ACVR1B: variants seen among roughly 807,000 people sequenced by gnomAD.
ACVR1B encodes the protein activin receptor type-1B.
A neutral mutation model predicts 55.6 loss-of-function variants in ACVR1B; 15 were observed. That is an observed-to-expected ratio of 0.27 (90% CI 0.18 to 0.42). The LOEUF is 0.42. Ranked by LOEUF, ACVR1B falls within the 10% of genes least tolerant of loss-of-function variation. ACVR1B has a pLI of 1.00. For synonymous variants in ACVR1B, 247 were observed against 254.6 expected, an observed-to-expected ratio of 0.97 and a Z score of 0.28; for missense variants, 359 against 670.1, an observed-to-expected ratio of 0.54 and a Z score of 5.13.
rs1041546167 is a variant in ACVR1B at position 51,996,961 on chromosome 12, A to G, written c.*2851A>G. On this transcript the variant is annotated 3_prime_UTR_variant, in exon 9 of 9. Transcript: ENST00000257963. ...AGGACTGTAAAATAGCCACTTAGAC[A>G]CTTTACCTCTTCAGTATGCAAATGT... 2 of 152,602 alleles carry G rather than the reference A, an allele frequency of 1.3e-5. No individual in the cohort carries two copies. Among genetic ancestry groups the G allele is most frequent in the Non-Finnish European group, 2.9e-5 (2 of 68,032 alleles). The allele number at this position is 152,602 out of a possible 1,614,324, so 9.5% of individuals were successfully genotyped here.
chr12:51,993,493 G>A (rs1300643248), intron 8 of ACVR1B, among the ~76,000 whole-genome samples: 12 of 152,056 alleles, frequency 7.9e-5, no homozygotes, highest in African/African-American at 2.2e-4. Flanking sequence ...CGCCTGGCGC[G>A]GTGGCTCATG....
intron 1 of ACVR1B, among the ~76,000 whole-genome samples, chr12:51,968,947 T>G (rs919800360): frequency 6.6e-5 from 10 of 152,242 alleles, no homozygotes; most frequent in Non-Finnish European, 1.3e-4. Context: ...TCTGCAATGC[T>G]TTCTGGTCCG....
chr12:51,951,908 C>T, intron 1 of ACVR1B, 74 bp downstream of exon 1: 1 of 964,500 alleles, frequency 1.0e-6, no homozygotes. Flanking sequence ...GCCGCGGCCG[C>T]TGGACTACAG....
intron 3 of ACVR1B, among the ~76,000 whole-genome samples, chr12:51,979,790 G>A (rs1228096740): frequency 1.3e-5 from 2 of 152,164 alleles, no homozygotes; most frequent in Non-Finnish European, 2.9e-5. Context: ...TGGCAGTGGT[G>A]TGGAGGATGA....
intron 7 of ACVR1B, among the ~76,000 whole-genome samples, chr12:51,991,017 G>A (rs754506949): frequency 2.6e-5 from 4 of 152,088 alleles, no homozygotes; most frequent in South Asian, 2.1e-4. Context: ...TTTTTGTGTC[G>A]TTAACGTGCC....
At position 51,991,900 on chromosome 12, in the gene ACVR1B, A is replaced by G; in HGVS notation, c.1299A>G (p.Leu433=). 1 of 1,614,186 alleles carries G rather than the reference A, an allele frequency of 6.2e-7. No individual in the cohort carries two copies. Among genetic ancestry groups the G allele is most frequent in the Non-Finnish European group, 8.5e-7 (1 of 1,180,028 alleles). ...AATATCAGCTGCCATATTACGACTT[A>G]GTGCCCTCTGACCCTTCCATTGAGG... ...HEEYQLPYYD[L]VPSDPSIEEM... The change falls in exon 8 of 9, where the codon TTA becomes TTG. Residue 433 remains leucine, a synonymous_variant. Coordinates refer to ENST00000257963, the MANE Select transcript of ACVR1B (RefSeq NM_004302.5).
Position 51,995,649 on chromosome 12 carries a change from T to C in ACVR1B, c.*1539T>C, listed in dbSNP as rs996449268. On this transcript the variant is annotated 3_prime_UTR_variant, in exon 9 of 9. Transcript: ENST00000257963. ...GTTTTTGTAAAAGGAAAACCATCTCTGTGATTACCTCTCAATCTATTTGTT... is the reference window on the plus strand; with the variant it reads ...GTTTTTGTAAAAGGAAAACCATCTCCGTGATTACCTCTCAATCTATTTGTT... The C allele has an allele frequency of 1.3e-5, 2 of 152,300 alleles. No individual in the cohort carries two copies. The highest frequency in any genetic ancestry group is 4.8e-5 in the African/African-American group (2 of 41,282). The allele number at this position is 152,300 out of a possible 1,614,324, so 9.4% of individuals were successfully genotyped here. A position where few individuals can be genotyped will look rare whatever the true frequency, so the allele number is the denominator to read the frequency against.
chr12:51,987,042 G>A (rs935205562), intron 7 of ACVR1B, 100 bp downstream of exon 7: 16 of 1,515,824 alleles, frequency 1.1e-5, no homozygotes, highest in Non-Finnish European at 1.4e-5. Flanking sequence ...CCTGTTGGAT[G>A]CCTGTTGCCA....
intron 1 of ACVR1B, among the ~76,000 whole-genome samples, chr12:51,963,643 C>G (rs1941583477): frequency 6.6e-6 from 1 of 152,202 alleles, no homozygotes; most frequent in Non-Finnish European, 1.5e-5. Context: ...CTTTTCAGGG[C>G]TGAATAATAT....
chr12:51,989,822 A>G (rs188483293), intron 7 of ACVR1B, among the ~76,000 whole-genome samples: 3 of 152,074 alleles, frequency 2.0e-5, no homozygotes, highest in Non-Finnish European at 4.4e-5. Flanking sequence ...CGTCTGTACT[A>G]AAAATACAAA....
chr12:51,984,476 A>G (rs1185779633), intron 5 of ACVR1B, among the ~76,000 whole-genome samples: 8 of 152,234 alleles, frequency 5.3e-5, no homozygotes, highest in Non-Finnish European at 1.0e-4. Context: ...CACAATAGAC[A>G]TGAGAAAAAA....
At chr12:51,980,248 A>G (rs188983341) in intron 3 of ACVR1B, among the ~76,000 whole-genome samples, 1 of 152,294 alleles carries the variant, frequency 6.6e-6, no homozygotes, top group Admixed American at 6.5e-5. Flanking sequence ...GTTCCCATCT[A>G]CCAGACCTAG....
intron 7 of ACVR1B, among the ~76,000 whole-genome samples, chr12:51,988,470 G>GA (rs1187135699): frequency 6.6e-6 from 1 of 151,936 alleles, no homozygotes; most frequent in Non-Finnish European, 1.5e-5. Flanking sequence ...CCATCTCAAA[G>GA]AAAAAACAAA....
chr12:51,996,080 C>G lies in ACVR1B; in HGVS notation c.*1970C>G, dbSNP rs1247035594. ...TAATTGGTTCTACGACCCTTTTGAG[C>G]CTAGAATTATTGTTCTTATATAAGA... On this transcript the variant is annotated 3_prime_UTR_variant, in exon 9 of 9. Transcript: ENST00000257963. 6.6e-6 allele frequency: 1 copy of G among 152,156 alleles called. No homozygotes were observed. Among genetic ancestry groups the G allele is most frequent in the Non-Finnish European group, 1.5e-5 (1 of 68,054 alleles). The allele number at this position is 152,156 out of a possible 1,614,324, so 9.4% of individuals were successfully genotyped here.
intron 1 of ACVR1B, among the ~76,000 whole-genome samples, chr12:51,965,294 C>T (rs910643371): frequency 3.3e-5 from 5 of 151,660 alleles, no homozygotes; most frequent in Admixed American, 6.6e-5. Context: ...TCTTTTTAAA[C>T]GAGGAAACAT....
chr12:51,953,199 GCT>G (rs1021332269), intron 1 of ACVR1B, among the ~76,000 whole-genome samples: 1 of 151,928 alleles, frequency 6.6e-6, no homozygotes, highest in African/African-American at 2.4e-5. Flanking sequence ...GTGTTCTGTG[GCT>G]CTCTTCTCTT....
At chr12:51,986,786 T>G in intron 6 of ACVR1B, 32 bp from the exon 7 acceptor site, 1 of 1,587,656 alleles carries the variant, frequency 6.3e-7, no homozygotes, top group Non-Finnish European at 8.6e-7. Flanking sequence ...CATCATTTTC[T>G]GTGCGTGACC....
Position 51,985,236 on chromosome 12 carries a change from C to T in ACVR1B, c.1024C>T (p.Leu342=), listed in dbSNP as rs753717484. The T allele has an allele frequency of 6.2e-7, 1 of 1,613,758 alleles. No homozygotes were observed. Among genetic ancestry groups the T allele is most frequent in the Non-Finnish European group, 8.5e-7 (1 of 1,179,856 alleles). Residue 342 remains leucine, a synonymous_variant, in exon 6 of 9, where the codon CTG becomes TTG. Coordinates refer to ENST00000257963, the MANE Select transcript of ACVR1B (RefSeq NM_004302.5). ...TCGAGACTTAAAGTCAAAGAACATT[C>T]TGGTGAAGAAAAATGGCATGTGTGC... is the stretch of plus-strand genomic sequence containing the variant. ...AHRDLKSKNI[L]VKKNGMCAIA...
At chr12:51,963,305 C>T (rs1255728004) in intron 1 of ACVR1B, among the ~76,000 whole-genome samples, 3 of 152,190 alleles carry the variant, frequency 2.0e-5, no homozygotes, top group South Asian at 4.2e-4. Context: ...AGTGCCATAG[C>T]ATGATCTCGG....
Sources: gnomAD v4.1 joint callset for allele counts (sites outside exome capture counted in the v4.1 genomes callset) on GRCh38, gnomAD v4.1.1 for gene constraint, MANE v1.5 for transcripts, NCBI Gene and HGNC (gene_info 2026-07-23, HGNC 2026-07-21) for gene names.